SASH1: variants seen among roughly 807,000 people sequenced by gnomAD.
SASH1 encodes the protein SAM and SH3 domain-containing protein 1.
Under a neutral mutation model 125.2 loss-of-function variants are expected in SASH1, and 44 were observed. The ratio of observed to expected loss-of-function variants is 0.35; its 90% CI spans 0.28 to 0.45. The LOEUF is 0.45. Among genes scored for constraint, SASH1 ranks in the 20% least tolerant of loss-of-function variants. SASH1 has a pLI of 1.00. For missense variants in SASH1, 1,426 were observed against 1,614.5 expected, an observed-to-expected ratio of 0.88 and a Z score of 2.00; for synonymous variants, 639 against 649.1, an observed-to-expected ratio of 0.98 and a Z score of 0.24.
In SASH1 at chr6:148,495,368, G is replaced by C. The variant is rs17642516; in HGVS notation, c.729+7653G>C. On this transcript the variant is annotated intron_variant, in intron 8 of 19. Transcript: ENST00000367467. This position sits in a 1 kb window ranked among gnomAD's most constrained non-coding sequence, Gnocchi z 4.0. ...TCCTTCTACTTGTATAACCACTGTC[G>C]TCTTTTATAGAATCTGCTATTGTGA... is the stretch of plus-strand genomic sequence containing the variant. Among the ~76,000 whole-genome samples the C allele has an allele frequency of 0.09, 13,701 of 152,144 alleles. 645 individuals carry two copies. Among genetic ancestry groups the C allele is most frequent in the Non-Finnish European group, 0.097 (6,605 of 68,012 alleles).
Position 148,544,777 on chromosome 6 carries a change from G to A in SASH1, c.3307G>A (p.Ala1103Thr), listed in dbSNP as rs1782459472. 3.1e-6 allele frequency: 5 copies of A among 1,602,536 alleles called. No homozygotes were observed. The highest frequency in any genetic ancestry group is 1.3e-5 in the African/African-American group (1 of 74,820). The change falls in exon 18 of 20, where the codon GCT becomes ACT. Residue 1103 changes from alanine to threonine, a missense_variant. Ala to Thr is a moderately conservative substitution (Grantham distance 58). This residue lies in a region of SASH1 where 634 missense variants were observed against 694.4 expected (regional missense o/e 0.91). Coordinates refer to ENST00000367467, the MANE Select transcript of SASH1 (RefSeq NM_015278.5). This position sits in a 1 kb window ranked among gnomAD's most constrained non-coding sequence, Gnocchi z 6.4. ...AACGCTCACTGAAAACAAGCTGCAC[G>A]CTGAAGGCATCGATCTCACGGAGGA... The part of the protein sequence containing the change: ...LETLTENKLH[A>T]EGIDLTEEPY...
chr6:148,392,753 G>T (rs1266104297), intron 2 of SASH1, among the ~76,000 whole-genome samples: 1 of 152,206 alleles, frequency 6.6e-6, no homozygotes, highest in East Asian at 1.9e-4. Context: ...TGTCATCCAG[G>T]GGCTGACAGC....
the SASH1 span, among the ~76,000 whole-genome samples, chr6:148,218,434 C>A: frequency 1.3e-5 from 2 of 152,136 alleles, no homozygotes; most frequent in Admixed American, 1.3e-4. Context: ...GAAAACTGTT[C>A]TTTTTCTGTT....
Position 148,343,239 on chromosome 6 carries a change from AG to A in SASH1, c.156+21del. The A allele has an allele frequency of 6.3e-7, 1 of 1,580,238 alleles. No individual in the cohort carries two copies. The highest frequency in any genetic ancestry group is 1.1e-5 in the South Asian group (1 of 89,254). The stretch of plus-strand genomic sequence containing the variant: ...GGGTATCCTGGTAAGTTACCTGGGG[AG>A]GGGGCGGCGCAGGAAGTACAGTTCG... On this transcript the variant is annotated intron_variant, in intron 1 of 19. Transcript: ENST00000367467.
intron 1 of SASH1, among the ~76,000 whole-genome samples, chr6:148,375,640 GGAAAT>G (rs1297807685): frequency 3.3e-5 from 5 of 152,126 alleles, no homozygotes; most frequent in Non-Finnish European, 7.4e-5. Context: ...CCCACAAAAC[GGAAAT>G]GAAAGTATGG....
At chr6:148,395,784 G>A (rs1462734083) in intron 2 of SASH1, among the ~76,000 whole-genome samples, 1 of 152,110 alleles carries the variant, frequency 6.6e-6, no homozygotes, top group East Asian at 1.9e-4. Context: ...AATGCTAGTG[G>A]CTTTCCAAGT....
At chr6:148,409,805 G>T (rs896257756) in intron 2 of SASH1, among the ~76,000 whole-genome samples, 1 of 151,986 alleles carries the variant, frequency 6.6e-6, no homozygotes, top group Non-Finnish European at 1.5e-5. Context: ...GTGGTGGCAC[G>T]TGTCTGTAAT....
chr6:148,366,429 CAAG>C (rs1280815713), intron 1 of SASH1, among the ~76,000 whole-genome samples: 3 of 152,244 alleles, frequency 2.0e-5, no homozygotes, highest in African/African-American at 4.8e-5. Context: ...GACAACAGAA[CAAG>C]AAGAACTTCA....
chr6:148,198,244 T>C, the SASH1 span, among the ~76,000 whole-genome samples: 1 of 152,208 alleles, frequency 6.6e-6, no homozygotes, highest in Non-Finnish European at 1.5e-5. Flanking sequence ...TCCGCCATGA[T>C]TGTAAGTTTC....
intron 1 of SASH1, 67 bp from the exon 2 acceptor site, chr6:148,390,067 G>T: frequency 6.3e-7 from 1 of 1,580,974 alleles, no homozygotes; most frequent in Non-Finnish European, 8.6e-7. Flanking sequence ...CGTAGAGGGA[G>T]GTCCGATGGC....
intron 9 of SASH1, among the ~76,000 whole-genome samples, chr6:148,514,722 G>A (rs982001392): frequency 2.3e-4 from 31 of 134,760 alleles, no homozygotes; most frequent in Non-Finnish European, 4.7e-4. Flanking sequence ...AAATTTTCTC[G>A]AGGTGTAGTA....
Position 148,533,796 on chromosome 6 carries a change from G to T in SASH1, c.1760G>T (p.Ser587Ile). The T allele has an allele frequency of 6.2e-7, 1 of 1,613,608 alleles. No individual in the cohort carries two copies. Among genetic ancestry groups the T allele is most frequent in the Non-Finnish European group, 8.5e-7 (1 of 1,179,924 alleles). ...LKKGDIIDII[S>I]KPPMGTWMGL... The stretch of plus-strand genomic sequence containing the variant: ...AAAGGAGATATCATCGATATAATCA[G>T]CAAGCCACCCATGGGGACCTGGATG... The change falls in exon 15 of 20, where the codon AGC (serine) becomes ATC (isoleucine). Residue 587 changes from serine to isoleucine, a missense_variant. Physicochemically the swap from Ser to Ile is moderately radical, Grantham distance 142 (BLOSUM62 -2). Coordinates refer to ENST00000367467, the MANE Select transcript of SASH1 (RefSeq NM_015278.5). The surrounding 1 kb of genome is among the most constrained non-coding windows in gnomAD (Gnocchi z 6.2).
the SASH1 span, among the ~76,000 whole-genome samples, chr6:148,211,441 C>T: frequency 8.3e-3 from 1,240 of 150,186 alleles, 20 homozygotes; most frequent in African/African-American, 0.03. Context: ...TGTGGTGGCA[C>T]GTGCCTGTAA....
Position 148,543,669 on chromosome 6 carries a change from T to C in SASH1, c.2210-11T>C, listed in dbSNP as rs768977580. ...TAAAATGTGATTGTAAAATATTCCC[T>C]TGTCTCACAGGCAAGACTCGGAAAG... On this transcript the variant is annotated splice_polypyrimidine_tract_variant and intron_variant, in intron 17 of 19. Transcript: ENST00000367467. 7 of 1,520,074 alleles carry C rather than the reference T, an allele frequency of 4.6e-6. No homozygotes were observed. In the Admixed American group the frequency reaches 1.1e-4, roughly 24 times the overall value. The allele number at this position is 1,520,074 out of a possible 1,614,324, so 94.2% of individuals were successfully genotyped here.
chr6:148,532,870 CGAA>C lies in SASH1; in HGVS notation c.1641_1643del (p.Glu548del). On this transcript the variant is annotated inframe_deletion, in exon 14 of 20. Transcript: ENST00000367467. This position sits in a 1 kb window ranked among gnomAD's most constrained non-coding sequence, Gnocchi z 4.7. ...GCGTCAAGTCGGAAGATGGGGATGACGAAGAGCCGCCTTACCGAGGCCCGTTCT... is the reference window on the plus strand; with the variant it reads ...GCGTCAAGTCGGAAGATGGGGATGACGAGCCGCCTTACCGAGGCCCGTTCT... The C allele has an allele frequency of 6.2e-7, 1 of 1,614,208 alleles. No homozygotes were observed. Among genetic ancestry groups the C allele is most frequent in the Non-Finnish European group, 8.5e-7 (1 of 1,180,032 alleles).
intron 4 of SASH1, among the ~76,000 whole-genome samples, chr6:148,457,990 C>T (rs1385716673): frequency 2.0e-5 from 3 of 152,174 alleles, no homozygotes; most frequent in Non-Finnish European, 4.4e-5. Context: ...CCCCTGTTGG[C>T]GACACAGAGC....
the SASH1 span, among the ~76,000 whole-genome samples, chr6:148,196,660 G>A: frequency 6.6e-5 from 10 of 152,338 alleles, no homozygotes; most frequent in African/African-American, 2.4e-4. Context: ...GGAGAATACA[G>A]AGGAAGAAGA....
At chr6:148,269,203 A>G (rs746128529), upstream of SASH1, among the ~76,000 whole-genome samples, 2 of 152,236 alleles carry the variant, frequency 1.3e-5, no homozygotes, top group Non-Finnish European at 2.9e-5. Flanking sequence ...TGCCCCATGG[A>G]GGAGCTAGTG....
At chr6:148,525,180 C>T (rs935800581) in intron 10 of SASH1, 111 bp from the exon 11 acceptor site, 2 of 751,666 alleles carry the variant, frequency 2.7e-6, no homozygotes, top group African/African-American at 1.7e-5. Context: ...TTCATCCTGT[C>T]CACGTATTTG....
Sources: gnomAD v4.1 joint callset for allele counts (sites outside exome capture counted in the v4.1 genomes callset) on GRCh38, gnomAD v4.1.1 for gene constraint, gnomAD v4.1.1 regional missense constraint, Gnocchi (gnomAD v3.1) non-coding constraint, MANE v1.5 for transcripts, NCBI Gene and HGNC (gene_info 2026-07-23, HGNC 2026-07-21) for gene names.